Variants in PPP4R4 observed in about 807,000 individuals in gnomAD.
PPP4R4 encodes serine/threonine-protein phosphatase 4 regulatory subunit 4.
Under a neutral mutation model 121.8 loss-of-function variants are expected in PPP4R4, and 70 were observed. That is an observed-to-expected ratio of 0.57 (90% CI 0.47 to 0.70). The LOEUF is 0.70. Among genes scored for constraint, PPP4R4 ranks in the 30% least tolerant of loss-of-function variants. The pLI is 0.00. For missense variants in PPP4R4, 875 were observed against 1,033.6 expected (o/e 0.85, Z 2.10); for synonymous variants, 348 against 355.7 (o/e 0.98, Z 0.24).
intron 14 of PPP4R4, among the ~76,000 whole-genome samples, chr14:94,248,097 C>A (rs1252370050): frequency 6.6e-6 from 1 of 152,030 alleles, no homozygotes; most frequent in Non-Finnish European, 1.5e-5. Context: ...TGAAGGCATC[C>A]AAATAGGAAA....
Position 94,250,159 on chromosome 14 carries a change from T to C in PPP4R4, c.1612-13T>C. On this transcript the variant is annotated splice_polypyrimidine_tract_variant and intron_variant, in intron 14 of 24. Coordinates refer to ENST00000304338, the MANE Select transcript of PPP4R4 (RefSeq NM_058237.2). Reference sequence around the variant, plus strand: ...AGCCTAGTGTAACTGTCTGTCTTACTTACTTCTTCAAGAATGTTTTACCTG... The same window carrying C: ...AGCCTAGTGTAACTGTCTGTCTTACCTACTTCTTCAAGAATGTTTTACCTG... 1 of 1,554,932 alleles carries C rather than the reference T, an allele frequency of 6.4e-7. No homozygotes were observed.
chr14:94,250,230 A>T lies in PPP4R4; in HGVS notation c.1670A>T (p.Asn557Ile). ...SRTLCIFLRY[N>I]RKQEQRHEVI... is the part of the protein sequence containing the mutation. ...ACTCTATGCATTTTTCTGCGTTATA[A>T]TCGTAAACAAGAACAGAGACATGAG... The change falls in exon 15 of 25, where the codon AAT becomes ATT. Residue 557 changes from asparagine (N) to isoleucine (I), a missense_variant. By Grantham distance (149) the Asn-to-Ile change is moderately radical (BLOSUM62 -3). Coordinates refer to ENST00000304338, the MANE Select transcript of PPP4R4 (RefSeq NM_058237.2). 3 of 1,612,276 alleles carry T rather than the reference A, an allele frequency of 1.9e-6. No individual in the cohort carries two copies. The highest frequency in any genetic ancestry group is 1.3e-5 in the African/African-American group (1 of 74,986).
chr14:94,180,241 C>T (rs1168706688), intron 2 of PPP4R4, among the ~76,000 whole-genome samples: 2 of 152,042 alleles, frequency 1.3e-5, no homozygotes, highest in East Asian at 3.8e-4. Flanking sequence ...TTTTGCCTTC[C>T]AATAATTTAA....
At chr14:94,213,431 G>A (rs184647052) in intron 3 of PPP4R4, among the ~76,000 whole-genome samples, 148 of 152,250 alleles carry the variant, frequency 9.7e-4, no homozygotes, top group African/African-American at 3.4e-3. Context: ...AATTACTTAA[G>A]TGGTGTGGTA....
chr14:94,218,213 G>A (rs545919965), intron 3 of PPP4R4, among the ~76,000 whole-genome samples: 1 of 152,100 alleles, frequency 6.6e-6, no homozygotes, highest in Non-Finnish European at 1.5e-5. Context: ...TATGCAATCG[G>A]CATCTCAGAA....
chr14:94,258,713 A>G (rs1462953320), intron 17 of PPP4R4, 70 bp from the exon 18 acceptor site: 1 of 1,170,052 alleles, frequency 8.5e-7, no homozygotes, highest in African/African-American at 1.5e-5. Flanking sequence ...TTTGCAAAAT[A>G]AGTTGCTGAG....
At chr14:94,180,022 G>C (rs1352016503) in intron 2 of PPP4R4, among the ~76,000 whole-genome samples, 1 of 152,194 alleles carries the variant, frequency 6.6e-6, no homozygotes, top group African/African-American at 2.4e-5. Context: ...TGTGACAGTG[G>C]TGAAGTTAGT....
intron 2 of PPP4R4, among the ~76,000 whole-genome samples, chr14:94,178,758 C>G (rs988420680): frequency 2.0e-5 from 3 of 152,334 alleles, no homozygotes; most frequent in Non-Finnish European, 2.9e-5. Flanking sequence ...AGCAAAACAA[C>G]TTTCCTAATA....
intron 8 of PPP4R4, among the ~76,000 whole-genome samples, chr14:94,240,367 A>T (rs1892564501): frequency 6.6e-6 from 1 of 152,198 alleles, no homozygotes; most frequent in Non-Finnish European, 1.5e-5. Context: ...TCTTTTAGTT[A>T]TTCAGGCTCA....
At position 94,231,249 on chromosome 14, in the gene PPP4R4, C is replaced by A; in HGVS notation, c.450C>A (p.Ser150Arg). The A allele has an allele frequency of 6.2e-7, 1 of 1,610,854 alleles. No individual in the cohort carries two copies. The highest frequency in any genetic ancestry group is 8.5e-7 in the Non-Finnish European group (1 of 1,177,534). The stretch of plus-strand genomic sequence containing the variant: ...TTTATCTCTGTCAACCAGGTGTCAG[C>A]AATGCATGGCTGGAAACTCTTCTGT... ...LHLEHRDTGV[S>R]NAWLETLLSV... is the part of the protein sequence containing the mutation. The change falls in exon 5 of 25, where the codon AGC (serine) becomes AGA (arginine). Residue 150 changes from serine to arginine, a missense_variant. Transcript: ENST00000304338.
At chr14:94,213,202 C>T (rs1254037598) in intron 3 of PPP4R4, among the ~76,000 whole-genome samples, 1 of 152,156 alleles carries the variant, frequency 6.6e-6, no homozygotes, top group Non-Finnish European at 1.5e-5. Context: ...AACAGGAAGT[C>T]TGAGCCCTGA....
chr14:94,262,391 C>T (rs1275810242), intron 19 of PPP4R4, among the ~76,000 whole-genome samples: 2 of 151,752 alleles, frequency 1.3e-5, no homozygotes, highest in African/African-American at 2.4e-5. Context: ...TGATGATAAC[C>T]ATTTTATTCT....
At chr14:94,208,222 C>T (rs1485774265) in intron 2 of PPP4R4, among the ~76,000 whole-genome samples, 1 of 151,926 alleles carries the variant, frequency 6.6e-6, no homozygotes, top group African/African-American at 2.4e-5. Context: ...AAACAATAGA[C>T]AATCTTGTTT....
intron 19 of PPP4R4, among the ~76,000 whole-genome samples, chr14:94,261,858 A>G (rs185289663): frequency 2.0e-5 from 3 of 152,116 alleles, no homozygotes; most frequent in Admixed American, 2.0e-4. Flanking sequence ...GATTTTTCAA[A>G]TGGTAAACCA....
At chr14:94,224,781 A>G (rs1027999236) in intron 3 of PPP4R4, among the ~76,000 whole-genome samples, 6 of 152,186 alleles carry the variant, frequency 3.9e-5, no homozygotes, top group Non-Finnish European at 7.4e-5. Context: ...AGTAAAATTT[A>G]TACAGATTAC....
chr14:94,255,749 A>G (rs923903583), intron 16 of PPP4R4, among the ~76,000 whole-genome samples: 5 of 152,214 alleles, frequency 3.3e-5, no homozygotes, highest in African/African-American at 1.2e-4. Flanking sequence ...GACTAGCTGC[A>G]GTCTAATTTC....
intron 8 of PPP4R4, among the ~76,000 whole-genome samples, chr14:94,239,279 A>G (rs1158764100): frequency 6.7e-6 from 1 of 150,306 alleles, no homozygotes; most frequent in Non-Finnish European, 1.5e-5. Flanking sequence ...TACATGTGCC[A>G]TGTTGGTGTG....
chr14:94,220,313 G>A (rs888934145), intron 3 of PPP4R4, among the ~76,000 whole-genome samples: 4 of 152,140 alleles, frequency 2.6e-5, no homozygotes, highest in African/African-American at 9.7e-5. Context: ...TTCAGTTAAA[G>A]GTGAAAGACT....
chr14:94,208,572 T>C lies in PPP4R4; in HGVS notation c.294+6T>C. The C allele has an allele frequency of 6.3e-7, 1 of 1,592,800 alleles. No homozygotes were observed. Among genetic ancestry groups the C allele is most frequent in the Non-Finnish European group, 8.6e-7 (1 of 1,162,428 alleles). ...GAGTGTTGCCAAAAGTCAGAGTAAG[T>C]TGGTATGAAATAAGATTGGAGTTTC... is the stretch of plus-strand genomic sequence containing the variant. On this transcript the variant is annotated splice_donor_region_variant and intron_variant, in intron 3 of 24. Transcript: ENST00000304338.
Sources: allele counts gnomAD v4.1 joint callset (sites outside exome capture counted in the v4.1 genomes callset), GRCh38; gene constraint gnomAD v4.1.1; transcripts MANE v1.5; gene names NCBI Gene and HGNC (gene_info 2026-07-23, HGNC 2026-07-21).